SCHIP1: variants seen among roughly 807,000 people sequenced by gnomAD.
SCHIP1 encodes the protein schwannomin interacting protein 1.
In SCHIP1, 8 loss-of-function variants were observed where a neutral mutation model predicts 29.7. The observed-to-expected ratio is 0.27, with a 90% CI of 0.16 to 0.49. SCHIP1 has a LOEUF of 0.49. Ranked by LOEUF, SCHIP1 falls within the 20% of genes least tolerant of loss-of-function variation. SCHIP1 has a pLI of 0.99. For missense variants in SCHIP1, 193 were observed against 294.6 expected, an observed-to-expected ratio of 0.66 and a Z score of 2.52; for synonymous variants, 76 against 94.9, an observed-to-expected ratio of 0.80 and a Z score of 1.16.
At chr3:159,610,647 T>C in the SCHIP1 span, among the ~76,000 whole-genome samples, 1 of 152,288 alleles carries the variant, frequency 6.6e-6, no homozygotes, top group South Asian at 2.1e-4. Context: ...AATATTCTTG[T>C]AAAGCTGGAA....
the SCHIP1 span, among the ~76,000 whole-genome samples, chr3:159,806,395 G>A: frequency 2.6e-5 from 4 of 152,192 alleles, no homozygotes; most frequent in African/African-American, 7.2e-5. Flanking sequence ...CATGATTTGG[G>A]TTAGGAAGAG....
At chr3:159,771,970 C>T in the SCHIP1 span, among the ~76,000 whole-genome samples, 1 of 152,156 alleles carries the variant, frequency 6.6e-6, no homozygotes, top group Non-Finnish European at 1.5e-5. Context: ...CCTCATCACA[C>T]TTGAAGAGCT....
At chr3:159,339,873 C>T in the SCHIP1 span, among the ~76,000 whole-genome samples, 2 of 152,150 alleles carry the variant, frequency 1.3e-5, no homozygotes, top group East Asian at 3.9e-4. Flanking sequence ...CTCTCATCCA[C>T]TCAAAATTTA....
chr3:159,467,130 C>A, the SCHIP1 span, among the ~76,000 whole-genome samples: 1 of 152,080 alleles, frequency 6.6e-6, no homozygotes, highest in South Asian at 2.1e-4. Flanking sequence ...TACACACACA[C>A]ACTTGTCTAA....
At chr3:159,611,842 A>C in the SCHIP1 span, among the ~76,000 whole-genome samples, 97 of 151,706 alleles carry the variant, frequency 6.4e-4, 1 homozygote, top group Admixed American at 1.3e-3. Context: ...TTCTGACCCC[A>C]CCTGTATTGC....
the SCHIP1 span, among the ~76,000 whole-genome samples, chr3:159,479,618 C>A: frequency 6.6e-6 from 1 of 152,108 alleles, no homozygotes; most frequent in African/African-American, 2.4e-5. Flanking sequence ...AATTCAATTT[C>A]ATTTTGCACT....
chr3:159,473,430 A>C, the SCHIP1 span, among the ~76,000 whole-genome samples: 1 of 152,136 alleles, frequency 6.6e-6, no homozygotes, highest in East Asian at 1.9e-4. Context: ...ATGTAGGAAT[A>C]AGCTTAGAAA....
chr3:159,779,686 G>C, the SCHIP1 span, among the ~76,000 whole-genome samples: 1 of 151,956 alleles, frequency 6.6e-6, no homozygotes, highest in African/African-American at 2.4e-5. Context: ...AAAAAAGAAG[G>C]ATGTCCCCAT....
At chr3:159,480,130 G>A in the SCHIP1 span, among the ~76,000 whole-genome samples, 1 of 152,104 alleles carries the variant, frequency 6.6e-6, no homozygotes, top group Non-Finnish European at 1.5e-5. Flanking sequence ...CCTTGGATAT[G>A]GCACATTTGC....
the SCHIP1 span, among the ~76,000 whole-genome samples, chr3:159,448,448 C>T: frequency 7.2e-5 from 11 of 151,948 alleles, no homozygotes; most frequent in Non-Finnish European, 1.3e-4. Context: ...TCCAGAATGG[C>T]GGCAGAGTGA....
chr3:159,844,145 TG>T (rs1195326501), intron 1 of SCHIP1, among the ~76,000 whole-genome samples: 4 of 152,204 alleles, frequency 2.6e-5, no homozygotes, highest in African/African-American at 7.2e-5. Context: ...AGGGGTTTGG[TG>T]AGGATTGTTC....
the SCHIP1 span, among the ~76,000 whole-genome samples, chr3:159,548,326 G>T: frequency 6.6e-6 from 1 of 151,812 alleles, no homozygotes; most frequent in Admixed American, 6.6e-5. Flanking sequence ...TTCTTCTTGA[G>T]TTAGTTTTGG....
At chr3:159,363,022 C>T in the SCHIP1 span, among the ~76,000 whole-genome samples, 2 of 152,174 alleles carry the variant, frequency 1.3e-5, no homozygotes. Flanking sequence ...TACCCCATTT[C>T]CCTCTCTCCC....
At chr3:159,370,405 T>C in the SCHIP1 span, among the ~76,000 whole-genome samples, 1 of 152,220 alleles carries the variant, frequency 6.6e-6, no homozygotes, top group South Asian at 2.1e-4. Context: ...CAACATTTCT[T>C]ATGCCCTTTC....
the SCHIP1 span, among the ~76,000 whole-genome samples, chr3:159,761,771 T>C: frequency 1.3e-5 from 2 of 152,224 alleles, no homozygotes; most frequent in African/African-American, 2.4e-5. Flanking sequence ...ATGCCATGCA[T>C]TTTTGGCACT....
At chr3:159,716,031 A>C in the SCHIP1 span, among the ~76,000 whole-genome samples, 1 of 152,264 alleles carries the variant, frequency 6.6e-6, no homozygotes, top group Non-Finnish European at 1.5e-5. Flanking sequence ...AGGGAAGCCC[A>C]TCAGACTAAC....
At chr3:159,672,126 G>A in the SCHIP1 span, among the ~76,000 whole-genome samples, 7 of 152,296 alleles carry the variant, frequency 4.6e-5, no homozygotes, top group Admixed American at 3.3e-4. Context: ...AGTCATTACA[G>A]AATGTCCTCC....
At chr3:159,768,639 G>A in the SCHIP1 span, 2 of 152,334 alleles carry the variant, frequency 1.3e-5, no homozygotes, top group African/African-American at 4.8e-5. Context: ...TGATGAGCTT[G>A]GATGCTGTCA....
chr3:159,619,797 G>T, the SCHIP1 span, among the ~76,000 whole-genome samples: 2 of 152,116 alleles, frequency 1.3e-5, no homozygotes, highest in Non-Finnish European at 2.9e-5. Context: ...CCTAGAAAAA[G>T]AAAACAAATG....
Sources: gnomAD v4.1 joint callset for allele counts (sites outside exome capture counted in the v4.1 genomes callset) on GRCh38, gnomAD v4.1.1 for gene constraint, MANE v1.5 for transcripts, NCBI Gene and HGNC (gene_info 2026-07-23, HGNC 2026-07-21) for gene names.